The following MUC17 variants were observed in gnomAD, a reference collection of about 807,000 sequenced individuals.
MUC17 encodes the protein mucin 17, cell surface associated.
A neutral mutation model predicts 170.3 loss-of-function variants in MUC17; 190 were observed. The observed-to-expected ratio is 1.12, with a 90% CI of 0.99 to 1.26. The LOEUF (loss-of-function observed/expected upper bound fraction) is 1.26, where lower values mean the gene tolerates loss of function less well. Ranked by LOEUF, MUC17 falls within the 50% of genes most tolerant of loss-of-function variation. The pLI, the probability that MUC17 is intolerant of heterozygous loss-of-function variation, is 0.00. For synonymous variants in MUC17, 2,325 were observed against 2,002.5 expected (o/e 1.16, Z -4.30); for missense variants, 6,415 against 5,530.0 (o/e 1.16, Z -5.08).
chr7:101,047,970 T>C lies in MUC17; in HGVS notation c.12404-14T>C, dbSNP rs774578995. The C allele has an allele frequency of 6.4e-7, 1 of 1,569,260 alleles. No individual in the cohort carries two copies. The stretch of plus-strand genomic sequence containing the variant: ...GAGGAACTTGGAAAGAAAACTTCTG[T>C]GATTGTTCCACAGGCTTTGGAGATG... On this transcript the variant is annotated splice_polypyrimidine_tract_variant and intron_variant, in intron 3 of 12. Coordinates refer to ENST00000306151, the MANE Select transcript of MUC17 (RefSeq NM_001040105.2).
Position 101,031,822 on chromosome 7 carries a change from A to T in MUC17, c.406A>T (p.Thr136Ser). 2 of 1,613,348 alleles carry T rather than the reference A, an allele frequency of 1.2e-6. No homozygotes were observed. Among genetic ancestry groups the T allele is most frequent in the Non-Finnish European group, 1.7e-6 (2 of 1,179,258 alleles). ...TTLFPSSTEDTSSPTTPEGTD... is the reference protein window; with the variant it reads ...TTLFPSSTEDSSSPTTPEGTD... The stretch of plus-strand genomic sequence containing the variant: ...ACTTTTCCCCAGTTCTACTGAAGAC[A>T]CTTCATCTCCTACAACTCCTGAAGG... Residue 136 changes from threonine (T) to serine (S), a missense_variant, in exon 3 of 13, where the codon ACT (threonine) becomes TCT (serine). Coordinates refer to ENST00000306151, the MANE Select transcript of MUC17 (RefSeq NM_001040105.2).
In MUC17 at chr7:101,041,757, C is replaced by T. The variant is rs148407483; in HGVS notation, c.10341C>T (p.Ser3447=). 36 of 1,613,878 alleles carry T rather than the reference C, an allele frequency of 2.2e-5. No individual in the cohort carries two copies. The highest frequency in any genetic ancestry group is 2.9e-5 in the Non-Finnish European group (34 of 1,179,984). ...CTCCTACAATCGCTGAAGGTACCAGCTTGCCAACCTCAACTACTAGTGAAG... is the reference window on the plus strand; with the variant it reads ...CTCCTACAATCGCTGAAGGTACCAGTTTGCCAACCTCAACTACTAGTGAAG... ...SSSPTIAEGT[S]LPTSTTSEGS... is the part of the protein sequence containing the mutation. Residue 3447 remains serine (S), a synonymous_variant, in exon 3 of 13, where the codon AGC becomes AGT. Transcript: ENST00000306151.
rs753840014 is a variant in MUC17 at position 101,037,998 on chromosome 7, T to C, written c.6582T>C (p.Asn2194=). 1.2e-6 allele frequency: 2 copies of C among 1,608,074 alleles called. No individual in the cohort carries two copies. Among genetic ancestry groups the C allele is most frequent in the Non-Finnish European group, 8.5e-7 (1 of 1,176,810 alleles). ...TPVDTSTPVT[N]STEARSSPTT... ...TTGACACCAGCACACCTGTGACCAATTCTACTGAAGCCCGTTCATCTCCTA... is the reference window on the plus strand; with the variant it reads ...TTGACACCAGCACACCTGTGACCAACTCTACTGAAGCCCGTTCATCTCCTA... The change falls in exon 3 of 13, where the codon AAT becomes AAC. Residue 2194 remains asparagine, a synonymous_variant. Coordinates refer to ENST00000306151, the MANE Select transcript of MUC17 (RefSeq NM_001040105.2).
At position 101,037,188 on chromosome 7, in the gene MUC17, A is replaced by G; in HGVS notation, c.5772A>G (p.Gly1924=). 6.2e-7 allele frequency: 1 copy of G among 1,612,848 alleles called. No homozygotes were observed. The highest frequency in any genetic ancestry group is 8.5e-7 in the Non-Finnish European group (1 of 1,179,682). The part of the protein sequence containing the change: ...SSMPTSTPRE[G]RPPLTSIPVS... ...TGCCAACCTCAACTCCTAGGGAAGG[A>G]AGGCCTCCATTAACAAGTATACCTG... Residue 1924 remains glycine, a synonymous_variant, in exon 3 of 13, where the codon GGA becomes GGG. Coordinates refer to ENST00000306151, the MANE Select transcript of MUC17 (RefSeq NM_001040105.2).
chr7:101,026,472 G>T (rs958356506), intron 1 of MUC17, among the ~76,000 whole-genome samples: 1 of 152,208 alleles, frequency 6.6e-6, no homozygotes, highest in African/African-American at 2.4e-5. Flanking sequence ...ACTTCATGCA[G>T]CTCATAGTGC....
In MUC17 at chr7:101,041,467, C is replaced by A. The variant is rs138732218; in HGVS notation, c.10051C>A (p.Pro3351Thr). 127 of 1,613,974 alleles carry A rather than the reference C, an allele frequency of 7.9e-5. 1 individual carries two copies. The African/African-American group carries it at 1.6e-3, about 20-fold the overall frequency. Residue 3351 changes from proline to threonine, a missense_variant, in exon 3 of 13, where the codon CCA (proline) becomes ACA (threonine). Transcript: ENST00000306151. ...AACAAATATGTCTTTCAGCACCACG[C>A]CAGTGGTCAGTTCTGAGGCTAGCAC... ...PLTNMSFSTTPVVSSEASTLS... is the reference protein window; with the variant it reads ...PLTNMSFSTTTVVSSEASTLS...
Position 101,031,885 on chromosome 7 carries a change from A to G in MUC17, c.469A>G (p.Ile157Val), listed in dbSNP as rs1794287956. The change falls in exon 3 of 13, where the codon ATT (isoleucine) becomes GTT (valine). Residue 157 changes from isoleucine to valine, a missense_variant. Ile to Val is a conservative substitution (Grantham distance 29). Transcript: ENST00000306151. ...CATGTCAACACCAAGTGAAGAAAGCATTTCATCAACAATGGCTTTTGTCAG... is the reference window on the plus strand; with the variant it reads ...CATGTCAACACCAAGTGAAGAAAGCGTTTCATCAACAATGGCTTTTGTCAG... The part of the protein sequence containing the change: ...VPMSTPSEES[I>V]SSTMAFVSTA... 6.2e-7 allele frequency: 1 copy of G among 1,614,138 alleles called. No homozygotes were observed. Among genetic ancestry groups the G allele is most frequent in the South Asian group, 1.1e-5 (1 of 91,082 alleles).
Position 101,035,907 on chromosome 7 carries a change from A to G in MUC17, c.4491A>G (p.Thr1497=), listed in dbSNP as rs549876228. 2.5e-6 allele frequency: 4 copies of G among 1,612,684 alleles called. No homozygotes were observed. In the African/African-American group the frequency reaches 5.3e-5, roughly 22 times the overall value. The change falls in exon 3 of 13, where the codon ACA becomes ACG. Residue 1497 remains threonine, a synonymous_variant. Transcript: ENST00000306151. The part of the protein sequence containing the change: ...VTSTAVSSSP[T]PAEGTSIAIS... ...CTACAGCAGTCAGTTCATCTCCTAC[A>G]CCTGCTGAAGGTACCAGCATAGCAA... is the stretch of plus-strand genomic sequence containing the variant.
Position 101,035,358 on chromosome 7 carries a change from A to G in MUC17, c.3942A>G (p.Glu1314=), listed in dbSNP as rs1290090065. Residue 1314 remains glutamate (E), a synonymous_variant, in exon 3 of 13, where the codon GAA becomes GAG. Coordinates refer to ENST00000306151, the MANE Select transcript of MUC17 (RefSeq NM_001040105.2). ...AAGGTCCTGTGGTCACTTCTAATGA[A>G]GTCAGTTCATCTCCTACACCTGCTG... ...DTKGPVVTSN[E]VSSSPTPAEG... is the part of the protein sequence containing the mutation. The G allele has an allele frequency of 1.1e-5, 18 of 1,611,030 alleles. No individual in the cohort carries two copies. Among genetic ancestry groups the G allele is most frequent in the Non-Finnish European group, 1.5e-5 (18 of 1,178,294 alleles).
At position 101,050,592 on chromosome 7, in the gene MUC17, A is replaced by G. The variant is rs1276158679; in HGVS notation, c.12831A>G (p.Thr4277=). The change falls in exon 7 of 13, where the codon ACA becomes ACG. Residue 4277 remains threonine, a synonymous_variant. Coordinates refer to ENST00000306151, the MANE Select transcript of MUC17 (RefSeq NM_001040105.2). The part of the protein sequence containing the change: ...NATEVVKEKI[T]KVTTQQIMIN... ...CCGAAGTAGTGAAAGAGAAAATCACAAAAGTGACCACACAGCAAATAATGA... is the reference window on the plus strand; with the variant it reads ...CCGAAGTAGTGAAAGAGAAAATCACGAAAGTGACCACACAGCAAATAATGA... 6.2e-7 allele frequency: 1 copy of G among 1,614,208 alleles called. No homozygotes were observed.
intron 1 of MUC17, among the ~76,000 whole-genome samples, chr7:101,021,866 G>A (rs1207904951): frequency 6.6e-6 from 1 of 152,212 alleles, no homozygotes; most frequent in Admixed American, 6.5e-5. Flanking sequence ...TGGGTCTAGA[G>A]AGAGAGCTGC....
chr7:101,031,249 T>G, intron 2 of MUC17, 28 bp downstream of exon 2: 1 of 1,597,992 alleles, frequency 6.3e-7, no homozygotes, highest in Non-Finnish European at 8.5e-7. Flanking sequence ...AAGATCTATC[T>G]GGGAAGGTGG....
rs1794556173 is a variant in MUC17, at chr7:101,038,244, A to T, written c.6828A>T (p.Glu2276Asp). 1 of 1,613,540 alleles carries T rather than the reference A, an allele frequency of 6.2e-7. No homozygotes were observed. Among genetic ancestry groups the T allele is most frequent in the African/African-American group, 1.3e-5 (1 of 74,848 alleles). ...GTSIPTSTLS[E>D]GTTPLTSIPV... ...GCATACCAACTTCAACTCTTAGTGA[A>T]GGAACGACTCCATTAACAAGTATAC... is the stretch of plus-strand genomic sequence containing the variant. The change falls in exon 3 of 13, where the codon GAA becomes GAT. Residue 2276 changes from glutamate to aspartate, a missense_variant. Coordinates refer to ENST00000306151, the MANE Select transcript of MUC17 (RefSeq NM_001040105.2).
chr7:101,049,135 C>T (rs1794891880), intron 5 of MUC17, among the ~76,000 whole-genome samples, 163 bp downstream of exon 5: 1 of 152,152 alleles, frequency 6.6e-6, no homozygotes, highest in Admixed American at 6.5e-5. Flanking sequence ...AGAGATGAGG[C>T]CAGGTTTTAC....
Position 101,033,012 on chromosome 7 carries a change from A to T in MUC17, c.1596A>T (p.Ser532=). The part of the protein sequence containing the change: ...PVASSEASTL[S]TTPVDTSTPV... ...CCAGTTCTGAGGCTAGCACCCTTTC[A>T]ACAACTCCTGTTGACACCAGCACAC... is the stretch of plus-strand genomic sequence containing the variant. Residue 532 remains serine (S), a synonymous_variant, in exon 3 of 13, where the codon TCA becomes TCT. Transcript: ENST00000306151. The T allele has an allele frequency of 6.2e-7, 1 of 1,613,968 alleles. No homozygotes were observed. Among genetic ancestry groups the T allele is most frequent in the Non-Finnish European group, 8.5e-7 (1 of 1,179,976 alleles).
At position 101,040,662 on chromosome 7, in the gene MUC17, A is replaced by G; in HGVS notation, c.9246A>G (p.Glu3082=). ...DSNSPVVTST[E]VSSSPTPAEG... ...ACAGTCCTGTGGTCACTTCTACTGA[A>G]GTCAGTTCATCTCCTACACCTGCTG... Residue 3082 remains glutamate, a synonymous_variant, in exon 3 of 13, where the codon GAA becomes GAG. Transcript: ENST00000306151. The G allele has an allele frequency of 6.2e-7, 1 of 1,613,040 alleles. No homozygotes were observed. Among genetic ancestry groups the G allele is most frequent in the Non-Finnish European group, 8.5e-7 (1 of 1,179,522 alleles).
chr7:101,054,925 C>T (rs866299282), intron 11 of MUC17, among the ~76,000 whole-genome samples: 4 of 152,106 alleles, frequency 2.6e-5, no homozygotes, highest in South Asian at 2.1e-4. Flanking sequence ...CTGGCCAACA[C>T]GGTGAAACCC....
At position 101,033,449 on chromosome 7, in the gene MUC17, T is replaced by C. The variant is rs145324862; in HGVS notation, c.2033T>C (p.Met678Thr). ...SSSTTAEGTS[M>T]PTSTYTEGST... Reference sequence around the variant, plus strand: ...TCTACAACTGCGGAAGGTACCAGCATGCCAACCTCAACTTATACTGAAGGA... The same window carrying C: ...TCTACAACTGCGGAAGGTACCAGCACGCCAACCTCAACTTATACTGAAGGA... Residue 678 changes from methionine (M) to threonine (T), a missense_variant, in exon 3 of 13, where the codon ATG becomes ACG. Transcript: ENST00000306151. 1 of 1,613,536 alleles carries C rather than the reference T, an allele frequency of 6.2e-7. No homozygotes were observed.
chr7:101,050,849 C>T (rs1381680515), intron 7 of MUC17, among the ~76,000 whole-genome samples: 1 of 151,856 alleles, frequency 6.6e-6, no homozygotes, highest in Non-Finnish European at 1.5e-5. Context: ...CATTTTTTTC[C>T]CTGGGGTAAG....
Sources: allele counts gnomAD v4.1 joint callset (sites outside exome capture counted in the v4.1 genomes callset), GRCh38; gene constraint gnomAD v4.1.1; transcripts MANE v1.5; gene names NCBI Gene and HGNC (gene_info 2026-07-23, HGNC 2026-07-21).